The following VTI1A variants were observed in gnomAD, a reference collection of about 807,000 sequenced individuals.
The protein encoded by VTI1A is vesicle transport through interaction with t-SNAREs 1A, also known as vesicle transport through interaction with t-SNAREs homolog 1A.
VTI1A carries 22 observed loss-of-function variants against 34.9 expected under a neutral mutation model. The ratio of observed to expected loss-of-function variants is 0.63; its 90% CI spans 0.45 to 0.90. VTI1A has a LOEUF of 0.90. VTI1A is among the 40% of genes least tolerant of loss of function. The pLI, the probability that VTI1A is intolerant of heterozygous loss-of-function variation, is 0.00. For synonymous variants in VTI1A, 87 were observed against 97.3 expected (o/e 0.89, Z 0.62); for missense variants, 268 against 275.6 (o/e 0.97, Z 0.20).
At chr10:112,485,554 G>T (rs1047284552) in intron 3 of VTI1A, among the ~76,000 whole-genome samples, 2 of 152,166 alleles carry the variant, frequency 1.3e-5, no homozygotes, top group Non-Finnish European at 1.5e-5. Flanking sequence ...TAAACATGTT[G>T]TGTTTATATC....
At chr10:112,583,776 C>G (rs1220221781) in intron 5 of VTI1A, among the ~76,000 whole-genome samples, 2 of 152,114 alleles carry the variant, frequency 1.3e-5, no homozygotes, top group Non-Finnish European at 2.9e-5. Context: ...CTGAAAGAGA[C>G]TTTTGGTGGA....
At chr10:112,747,997 C>T (rs760515695) in intron 7 of VTI1A, among the ~76,000 whole-genome samples, 3 of 152,062 alleles carry the variant, frequency 2.0e-5, no homozygotes, top group Non-Finnish European at 2.9e-5. Context: ...TGGGTCAAGG[C>T]GACAACAGGG....
chr10:112,769,661 C>T (rs1490622666), intron 7 of VTI1A, among the ~76,000 whole-genome samples: 2 of 152,078 alleles, frequency 1.3e-5, no homozygotes, highest in African/African-American at 4.8e-5. Context: ...GCTTGCAAGC[C>T]AATGCAGTTT....
intron 7 of VTI1A, among the ~76,000 whole-genome samples, chr10:112,760,182 G>A (rs1851414686): frequency 6.6e-6 from 1 of 152,190 alleles, no homozygotes; most frequent in African/African-American, 2.4e-5. Flanking sequence ...TACGTTCCAA[G>A]ACCGCCAGTG....
intron 5 of VTI1A, among the ~76,000 whole-genome samples, chr10:112,543,960 G>C (rs984773840): frequency 1.1e-4 from 16 of 152,072 alleles, no homozygotes; most frequent in Admixed American, 4.6e-4. Flanking sequence ...TCTTGTTTTT[G>C]TCAGGTTTCT....
chr10:112,773,690 T>C (rs546994413), intron 7 of VTI1A, among the ~76,000 whole-genome samples: 3 of 152,334 alleles, frequency 2.0e-5, no homozygotes, highest in African/African-American at 7.2e-5. Flanking sequence ...TAGGACCAAG[T>C]GACTGCCCAT....
At position 112,702,576 on chromosome 10, in the gene VTI1A, C is replaced by T. The variant is rs142523968; in HGVS notation, c.560+33578C>T. Among the ~76,000 whole-genome samples, 737 of 151,924 alleles carry T rather than the reference C, an allele frequency of 4.9e-3. 4 individuals carry two copies. The highest frequency in any genetic ancestry group is 6.3e-3 in the Non-Finnish European group (426 of 67,902). On this transcript the variant is annotated intron_variant, in intron 7 of 7. Coordinates refer to ENST00000393077, the MANE Select transcript of VTI1A (RefSeq NM_145206.4). ...CTGGGATTACAGGCGTGTGCCACCA[C>T]ACCCAGCTAATTTATTTTTTATTTC...
At chr10:112,485,624 C>G (rs1247728863) in intron 3 of VTI1A, among the ~76,000 whole-genome samples, 1 of 152,158 alleles carries the variant, frequency 6.6e-6, no homozygotes, top group Non-Finnish European at 1.5e-5. Flanking sequence ...GGTTCATAAG[C>G]TCTTTTGGTA....
chr10:112,779,329 T>C (rs1013808367), intron 7 of VTI1A, among the ~76,000 whole-genome samples: 4 of 152,212 alleles, frequency 2.6e-5, no homozygotes, highest in African/African-American at 9.6e-5. Context: ...GTGTGTGAGC[T>C]TGTAAAACAG....
At chr10:112,828,445 G>T in the VTI1A span, among the ~76,000 whole-genome samples, 4 of 151,892 alleles carry the variant, frequency 2.6e-5, no homozygotes, top group Non-Finnish European at 4.4e-5. Context: ...TCGCTCTGTT[G>T]CCCTGGCTGG....
rs148230617 is a variant in VTI1A, at chr10:112,480,095, A to C, written c.264+15438A>C. Among the ~76,000 whole-genome samples the C allele has an allele frequency of 7.1e-3, 1,078 of 152,352 alleles. 13 individuals are homozygous for C. The highest frequency in any genetic ancestry group is 0.025 in the African/African-American group (1,038 of 41,592). On this transcript the variant is annotated intron_variant, in intron 3 of 7. Coordinates refer to ENST00000393077, the MANE Select transcript of VTI1A (RefSeq NM_145206.4). ...TTAAAAGTTCCAAGTATTGTTACAT[A>C]CTGAGAACTTGGCCTAGAGTATACA...
chr10:112,810,426 A>AAATT (rs1853243780), intron 7 of VTI1A, among the ~76,000 whole-genome samples: 1 of 151,374 alleles, frequency 6.6e-6, no homozygotes, highest in South Asian at 2.1e-4. Flanking sequence ...AAAAAGTTAA[A>AAATT]AATTAAAGTT....
intron 5 of VTI1A, among the ~76,000 whole-genome samples, chr10:112,624,545 TG>T (rs1356788972): frequency 2.6e-5 from 4 of 152,154 alleles, no homozygotes; most frequent in Non-Finnish European, 5.9e-5. Flanking sequence ...TTCATTTTTA[TG>T]TTTTTTTTAA....
the VTI1A span, among the ~76,000 whole-genome samples, chr10:112,830,845 A>ATTTTTTTTTTTT: frequency 9.5e-5 from 4 of 42,030 alleles, 1 homozygote; most frequent in African/African-American, 4.0e-4. Context: ...ATATATATAT[A>ATTTTTTTTTTTT]TATATTTTTT....
chr10:112,803,785 T>C (rs1053068242), intron 7 of VTI1A, among the ~76,000 whole-genome samples: 10 of 152,108 alleles, frequency 6.6e-5, no homozygotes, highest in Admixed American at 2.0e-4. Flanking sequence ...TAAAATAAAA[T>C]GAAGAATTTA....
At chr10:112,825,087 G>C in the VTI1A span, 3 of 152,276 alleles carry the variant, frequency 2.0e-5, no homozygotes, top group East Asian at 5.8e-4. Flanking sequence ...TGCAGTCACT[G>C]TCTTCAAATT....
At chr10:112,496,486 G>A (rs1291057617) in intron 3 of VTI1A, among the ~76,000 whole-genome samples, 5 of 151,894 alleles carry the variant, frequency 3.3e-5, no homozygotes, top group East Asian at 1.9e-4. Flanking sequence ...CAGGAGAATC[G>A]CTTGAACCTG....
intron 7 of VTI1A, among the ~76,000 whole-genome samples, chr10:112,783,665 A>G (rs1380234139): frequency 6.6e-6 from 1 of 152,224 alleles, no homozygotes. Flanking sequence ...GAGGTAAGGA[A>G]AATTCGAAGG....
the VTI1A span, among the ~76,000 whole-genome samples, chr10:112,839,345 G>A: frequency 3.3e-5 from 5 of 152,298 alleles, no homozygotes; most frequent in South Asian, 1.0e-3. Flanking sequence ...TGCAGGGGCA[G>A]CTGCTGAGCT....
Sources: gnomAD v4.1 joint callset for allele counts (sites outside exome capture counted in the v4.1 genomes callset) on GRCh38, gnomAD v4.1.1 for gene constraint, MANE v1.5 for transcripts, NCBI Gene and HGNC (gene_info 2026-07-23, HGNC 2026-07-21) for gene names.